The following MPP2 variants were observed in gnomAD, a reference collection of about 807,000 sequenced individuals.
MPP2 encodes MAGUK p55 scaffold protein 2.
MPP2 carries 42 observed loss-of-function variants against 58.5 expected under a neutral mutation model. The observed-to-expected ratio is 0.72, with a 90% CI of 0.56 to 0.93. The LOEUF is 0.93. Ranked by LOEUF, MPP2 falls within the 40% of genes least tolerant of loss-of-function variation. MPP2 has a pLI of 0.00. For missense variants in MPP2, 632 were observed against 760.4 expected, an observed-to-expected ratio of 0.83 and a Z score of 1.99; for synonymous variants, 300 against 307.8, an observed-to-expected ratio of 0.97 and a Z score of 0.26.
At chr17:43,908,867 C>T (rs969175864), upstream of MPP2, among the ~76,000 whole-genome samples, 12 of 152,200 alleles carry the variant, frequency 7.9e-5, no homozygotes, top group Non-Finnish European at 1.0e-4. Context: ...TAGGAAAAAG[C>T]CACAGAGGCG....
chr17:43,899,603 T>C (rs1398492118), intron 2 of MPP2, among the ~76,000 whole-genome samples: 2 of 151,928 alleles, frequency 1.3e-5, no homozygotes, highest in Non-Finnish European at 2.9e-5. Context: ...ACATGGATGA[T>C]AGGAAGTCAA....
intron 2 of MPP2, chr17:43,900,721 G>A: frequency 8.0e-7 from 1 of 1,250,594 alleles, no homozygotes; most frequent in South Asian, 1.7e-5. Flanking sequence ...ATTGGCTAAA[G>A]CCCTGACTGG....
intron 3 of MPP2, among the ~76,000 whole-genome samples, chr17:43,889,959 T>C: frequency 6.6e-6 from 1 of 151,734 alleles, no homozygotes. Context: ...ACTACAGGCA[T>C]GCACCACCAC....
chr17:43,882,142 T>A, intron 6 of MPP2, 142 bp downstream of exon 6: 1 of 772,254 alleles, frequency 1.3e-6, no homozygotes, highest in South Asian at 1.7e-5. Context: ...GCGGCTGCGG[T>A]CAGCTGCCCC....
rs370335404 is a variant in MPP2, at chr17:43,881,449, G to A, written c.813+9C>T. Reference sequence around the variant, plus strand: ...TACCTGGAGAGATGCGGGGGTGCCCGCAGCTCACCTGCCACCAGTTGGCAT... The same window carrying A: ...TACCTGGAGAGATGCGGGGGTGCCCACAGCTCACCTGCCACCAGTTGGCAT... On this transcript the variant is annotated intron_variant, in intron 7 of 12. Transcript: ENST00000269095. 1.6e-5 allele frequency: 26 copies of A among 1,613,896 alleles called. No individual in the cohort carries two copies. Among genetic ancestry groups the A allele is most frequent in the South Asian group, 4.4e-5 (4 of 91,070 alleles).
rs770987621 is a variant in MPP2, at chr17:43,880,804, G to A, written c.1037C>T (p.Pro346Leu). 1.9e-6 allele frequency: 3 copies of A among 1,613,184 alleles called. No homozygotes were observed. The highest frequency in any genetic ancestry group is 2.5e-6 in the Non-Finnish European group (3 of 1,179,402). The change falls in exon 10 of 13, where the codon CCC becomes CTC. Residue 346 changes from proline (P) to leucine (L), a missense_variant. Transcript: ENST00000269095. The surrounding 1 kb of genome is among the most constrained non-coding windows in gnomAD (Gnocchi z 5.2). ...LLIYEEVARMPPFRRKTLVLI... is the reference protein window; with the variant it reads ...LLIYEEVARMLPFRRKTLVLI... ...TACCAGGGTTTTCCGGCGGAACGGG[G>A]GCATGCGGGCCACCTCCTCATAAAT...
In MPP2 at chr17:43,877,578, G is replaced by C. The variant is rs1005706888; in HGVS notation, c.*229C>G. On this transcript the variant is annotated 3_prime_UTR_variant, in exon 13 of 13. Coordinates refer to ENST00000269095, the MANE Select transcript of MPP2 (RefSeq NM_005374.5). ...CCTCAGAGATATCTGGTGACCAATG[G>C]GCATCAGGAGTGGGCAGCACCTGGG... 1 of 550,750 alleles carries C rather than the reference G, an allele frequency of 1.8e-6. No homozygotes were observed. The highest frequency in any genetic ancestry group is 1.9e-5 in the African/African-American group (1 of 53,222). The allele number at this position is 550,750 out of a possible 1,614,324, so 34.1% of individuals were successfully genotyped here.
intron 3 of MPP2, 44 bp downstream of exon 3, chr17:43,898,218 C>CG: frequency 6.8e-7 from 1 of 1,473,502 alleles, no homozygotes; most frequent in Non-Finnish European, 9.5e-7. Context: ...ACTGTGCCTC[C>CG]CCAAGCACAG....
At chr17:43,900,458 C>T (rs1351081690) in intron 2 of MPP2, 1 of 1,548,742 alleles carries the variant, frequency 6.5e-7, no homozygotes, top group Non-Finnish European at 8.7e-7. Context: ...CCATCTGGCC[C>T]GCCCTTCCCT....
At chr17:43,904,283 C>G in intron 2 of MPP2, 147 bp downstream of exon 2, 1 of 699,920 alleles carries the variant, frequency 1.4e-6, no homozygotes, top group Non-Finnish European at 2.5e-6. Context: ...GCCACAGCAG[C>G]TGCCAGAAGG....
At chr17:43,885,992 C>G (rs1466362483) in intron 3 of MPP2, among the ~76,000 whole-genome samples, 2 of 151,834 alleles carry the variant, frequency 1.3e-5, no homozygotes, top group African/African-American at 4.8e-5. Context: ...CCTGTAATCC[C>G]AGCTACTCAG....
rs1203148363 is a variant in MPP2 at position 43,880,317 on chromosome 17, C to T, written c.1151-333G>A. On this transcript the variant is annotated intron_variant, in intron 10 of 12. Coordinates refer to ENST00000269095, the MANE Select transcript of MPP2 (RefSeq NM_005374.5). This position sits in a 1 kb window ranked among gnomAD's most constrained non-coding sequence, Gnocchi z 5.2. The stretch of plus-strand genomic sequence containing the variant: ...TCCTGCCTCTGGCAGCCAGGAGCTT[C>T]CACCACCCCCGCTGTTTCTGCCACT... Among the ~76,000 whole-genome samples, 1 of 152,196 alleles carries T rather than the reference C, an allele frequency of 6.6e-6. No individual in the cohort carries two copies. The highest frequency in any genetic ancestry group is 1.5e-5 in the Non-Finnish European group (1 of 68,026).
intron 2 of MPP2, among the ~76,000 whole-genome samples, chr17:43,904,203 C>T (rs2048203190): frequency 2.0e-5 from 3 of 152,222 alleles, no homozygotes; most frequent in Admixed American, 6.5e-5. Flanking sequence ...TCCAGCCCTA[C>T]ACTGGAGCAG....
chr17:43,903,008 A>G (rs761208194), intron 2 of MPP2, among the ~76,000 whole-genome samples: 1 of 152,238 alleles, frequency 6.6e-6, no homozygotes, highest in Non-Finnish European at 1.5e-5. Context: ...AGAACAGGCC[A>G]GGTGTGGTGG....
At chr17:43,891,048 C>G (rs749258792) in intron 3 of MPP2, among the ~76,000 whole-genome samples, 1 of 152,186 alleles carries the variant, frequency 6.6e-6, no homozygotes, top group African/African-American at 2.4e-5. Flanking sequence ...CACCACTACA[C>G]CCTCTGCTTG....
chr17:43,891,555 C>T (rs1459802743), intron 3 of MPP2, among the ~76,000 whole-genome samples: 1 of 151,656 alleles, frequency 6.6e-6, no homozygotes, highest in Non-Finnish European at 1.5e-5. Context: ...CTCCACCTAG[C>T]CCCACCACGA....
At chr17:43,889,937 C>G (rs934379922) in intron 3 of MPP2, among the ~76,000 whole-genome samples, 10 of 151,354 alleles carry the variant, frequency 6.6e-5, no homozygotes, top group Admixed American at 5.9e-4. Flanking sequence ...CTCAGCCTCC[C>G]GAGTAGCTGG....
chr17:43,907,851 CT>C (rs2048354341), upstream of MPP2: 1 of 985,456 alleles, frequency 1.0e-6, no homozygotes. Flanking sequence ...GGCTTGATTA[CT>C]CCGCCCACCC....
intron 2 of MPP2, chr17:43,901,295 C>T: frequency 1.0e-6 from 1 of 985,562 alleles, no homozygotes; most frequent in Non-Finnish European, 1.2e-6. Flanking sequence ...CCTCGCCTCA[C>T]AGCAGCTTCT....
Sources: gnomAD v4.1 joint callset for allele counts (sites outside exome capture counted in the v4.1 genomes callset) on GRCh38, gnomAD v4.1.1 for gene constraint, Gnocchi (gnomAD v3.1) non-coding constraint, MANE v1.5 for transcripts, NCBI Gene and HGNC (gene_info 2026-07-23, HGNC 2026-07-21) for gene names.